The following EPHA3 variants were observed in gnomAD, a reference collection of about 807,000 sequenced individuals.
The protein encoded by EPHA3 is EPH receptor A3.
Under a neutral mutation model 107.1 loss-of-function variants are expected in EPHA3, and 42 were observed. That is an observed-to-expected ratio of 0.39 (90% CI 0.31 to 0.51). The LOEUF (loss-of-function observed/expected upper bound fraction) is 0.51. Ranked by LOEUF, EPHA3 falls within the 20% of genes least tolerant of loss-of-function variation. The pLI, the probability that EPHA3 is intolerant of heterozygous loss-of-function variation, is 0.78. For synonymous variants in EPHA3, 461 were observed against 424.8 expected (o/e 1.09, Z -1.05); for missense variants, 1,183 against 1,211.2 (o/e 0.98, Z 0.35).
At chr3:89,291,824 G>C (rs1191629782) in intron 3 of EPHA3, among the ~76,000 whole-genome samples, 1 of 152,136 alleles carries the variant, frequency 6.6e-6, no homozygotes, top group East Asian at 1.9e-4. Context: ...AGCTGGCTAG[G>C]CTAAATGAAA....
At chr3:89,222,382 T>C (rs915000582) in intron 3 of EPHA3, among the ~76,000 whole-genome samples, 8 of 147,760 alleles carry the variant, frequency 5.4e-5, no homozygotes, top group Admixed American at 4.8e-4. Flanking sequence ...TACCTATGTA[T>C]ACACACACAT....
intron 2 of EPHA3, among the ~76,000 whole-genome samples, chr3:89,172,647 G>A (rs1458734429): frequency 3.9e-5 from 6 of 152,302 alleles, no homozygotes; most frequent in African/African-American, 1.4e-4. Flanking sequence ...AAAAATAGCT[G>A]TAGGAGGAAC....
chr3:89,222,512 T>A (rs1395122319), intron 3 of EPHA3, among the ~76,000 whole-genome samples: 1 of 149,192 alleles, frequency 6.7e-6, no homozygotes, highest in East Asian at 1.9e-4. Flanking sequence ...TAAATATATA[T>A]AAATATATGT....
intron 15 of EPHA3, among the ~76,000 whole-genome samples, chr3:89,450,896 A>ACT (rs942256471): frequency 6.6e-6 from 1 of 152,074 alleles, no homozygotes; most frequent in Non-Finnish European, 1.5e-5. Flanking sequence ...ACAGAGCGAG[A>ACT]CTCTCTCTCT....
intron 3 of EPHA3, among the ~76,000 whole-genome samples, chr3:89,263,505 T>C (rs1705470164): frequency 6.6e-6 from 1 of 152,120 alleles, no homozygotes. Context: ...CTGGCGAAAG[T>C]GGCTCTCAGC....
chr3:89,346,851 C>T (rs1440447788), intron 5 of EPHA3, among the ~76,000 whole-genome samples: 1 of 143,774 alleles, frequency 7.0e-6, no homozygotes, highest in Non-Finnish European at 1.5e-5. Flanking sequence ...GCCAGTTTTG[C>T]CAGCACCATT....
In EPHA3 at chr3:89,134,024, A is replaced by ATT. The variant is rs58260720; in HGVS notation, c.153+6765_153+6766dup. On this transcript the variant is annotated intron_variant, in intron 2 of 16. Transcript: ENST00000336596. The stretch of plus-strand genomic sequence containing the variant: ...TCAGAAAATGACACTTCAAAACAAC[A>ATT]TTTTTTTTTTTTTTTACTTTCGCTC... Among the ~76,000 whole-genome samples the ATT allele has an allele frequency of 2.0e-3, 292 of 143,974 alleles. No individual in the cohort carries two copies. The Middle Eastern group carries it at 0.039, about 19-fold the overall frequency. The allele number at this position is 143,974 out of a possible 152,430, so 94.5% of individuals were successfully genotyped here. A position where few individuals can be genotyped will look rare whatever the true frequency, so the allele number is the denominator to read the frequency against.
intron 5 of EPHA3, among the ~76,000 whole-genome samples, chr3:89,355,378 T>G (rs1707923038): frequency 6.6e-6 from 1 of 151,352 alleles, no homozygotes; most frequent in African/African-American, 2.4e-5. Context: ...GCACATTGTA[T>G]CATGTACTTA....
At chr3:89,434,837 C>T (rs1709635434) in intron 13 of EPHA3, among the ~76,000 whole-genome samples, 3 of 152,142 alleles carry the variant, frequency 2.0e-5, no homozygotes, top group Non-Finnish European at 1.5e-5. Context: ...AACAAATAGG[C>T]TCATTCACCA....
chr3:89,125,199 T>A (rs1205743625), intron 1 of EPHA3, among the ~76,000 whole-genome samples: 3 of 151,968 alleles, frequency 2.0e-5, no homozygotes, highest in African/African-American at 7.2e-5. Flanking sequence ...AACACAATGA[T>A]ACATTAAGCC....
At chr3:89,396,528 C>T (rs1708854684) in intron 6 of EPHA3, among the ~76,000 whole-genome samples, 1 of 152,014 alleles carries the variant, frequency 6.6e-6, no homozygotes, top group Non-Finnish European at 1.5e-5. Context: ...AAAATAGGCA[C>T]ATGGTTATTT....
chr3:89,393,295 C>T (rs1447434873), intron 5 of EPHA3, among the ~76,000 whole-genome samples: 2 of 152,170 alleles, frequency 1.3e-5, no homozygotes, highest in African/African-American at 4.8e-5. Context: ...GCAGCTTGCT[C>T]AAAGAGCTTT....
intron 15 of EPHA3, among the ~76,000 whole-genome samples, chr3:89,457,079 T>C (rs148487317): frequency 6.6e-6 from 1 of 152,248 alleles, no homozygotes; most frequent in African/African-American, 2.4e-5. Flanking sequence ...AGTTTTCTGG[T>C]ATTTGTATGC....
chr3:89,438,590 T>C (rs1191953566), intron 13 of EPHA3, among the ~76,000 whole-genome samples: 1 of 152,198 alleles, frequency 6.6e-6, no homozygotes, highest in Non-Finnish European at 1.5e-5. Context: ...TTATCAAAAT[T>C]GGTATAATAC....
intron 5 of EPHA3, among the ~76,000 whole-genome samples, chr3:89,344,054 G>A (rs56264927): frequency 9.2e-5 from 14 of 152,066 alleles, no homozygotes; most frequent in African/African-American, 1.9e-4. Context: ...ATGGTTTTCC[G>A]GAGCGCTATA....
At chr3:89,406,098 A>G (rs1433869406) in intron 7 of EPHA3, among the ~76,000 whole-genome samples, 1 of 152,228 alleles carries the variant, frequency 6.6e-6, no homozygotes, top group African/African-American at 2.4e-5. Context: ...ATTTCTAATT[A>G]TAATTCAGAA....
chr3:89,401,696 C>T (rs1708967258), intron 7 of EPHA3, among the ~76,000 whole-genome samples: 1 of 152,136 alleles, frequency 6.6e-6, no homozygotes. Flanking sequence ...CAACCTCTGC[C>T]TCCCTGACTC....
chr3:89,292,053 G>T (rs895792711), intron 3 of EPHA3, among the ~76,000 whole-genome samples: 2 of 152,074 alleles, frequency 1.3e-5, no homozygotes, highest in African/African-American at 4.8e-5. Flanking sequence ...TTATTCTATA[G>T]TTCTAAGAAA....
At chr3:89,428,488 T>C (rs1709500738) in intron 11 of EPHA3, among the ~76,000 whole-genome samples, 2 of 152,118 alleles carry the variant, frequency 1.3e-5, no homozygotes, top group African/African-American at 2.4e-5. Flanking sequence ...GCAATTTTAA[T>C]TTCAGTTTTA....
Sources: allele counts gnomAD v4.1 joint callset (sites outside exome capture counted in the v4.1 genomes callset), GRCh38; gene constraint gnomAD v4.1.1; transcripts MANE v1.5; gene names NCBI Gene and HGNC (gene_info 2026-07-23, HGNC 2026-07-21).